TBCA: variants seen among roughly 807,000 people sequenced by gnomAD.
TBCA encodes tubulin folding cofactor A, also known as tubulin-specific chaperone A.
TBCA carries 6 observed loss-of-function variants against 15.8 expected under a neutral mutation model. The observed-to-expected ratio is 0.38, with a 90% confidence interval of 0.21 to 0.75. The LOEUF (loss-of-function observed/expected upper bound fraction) is 0.75. TBCA is among the 30% of genes least tolerant of loss of function. The pLI, the probability that TBCA is intolerant of heterozygous loss-of-function variation, is 0.46. For missense variants in TBCA, 90 were observed against 131.2 expected (o/e 0.69, Z 1.53); for synonymous variants, 32 against 42.3 (o/e 0.76, Z 0.94).
At chr5:77,759,929 T>A (rs1272582861) in intron 1 of TBCA, among the ~76,000 whole-genome samples, 1 of 152,222 alleles carries the variant, frequency 6.6e-6, no homozygotes, top group Non-Finnish European at 1.5e-5. Flanking sequence ...GCCATTGAAG[T>A]GGTGACTATT....
chr5:77,720,367 T>G (rs1381932833), intron 1 of TBCA, among the ~76,000 whole-genome samples: 1 of 152,050 alleles, frequency 6.6e-6, no homozygotes, highest in African/African-American at 2.4e-5. Context: ...ATAGCTAAGT[T>G]GTCTGCAAGC....
chr5:77,776,301 A>G lies in TBCA; in HGVS notation c.-44T>C. ...AGAAGGAGGGGCGGAGAGCCGGGGTAACCGTGGAGGGCGACGCGCAGAGGC... is the reference window on the plus strand; with the variant it reads ...AGAAGGAGGGGCGGAGAGCCGGGGTGACCGTGGAGGGCGACGCGCAGAGGC... On this transcript the variant is annotated 5_prime_UTR_variant, in exon 1 of 4. Transcript: ENST00000380377. The G allele has an allele frequency of 6.4e-7, 1 of 1,558,096 alleles. No homozygotes were observed. The highest frequency in any genetic ancestry group is 8.7e-7 in the Non-Finnish European group (1 of 1,151,756).
At chr5:77,740,530 A>G (rs562878113) in intron 1 of TBCA, among the ~76,000 whole-genome samples, 189 of 152,312 alleles carry the variant, frequency 1.2e-3, no homozygotes, top group African/African-American at 4.4e-3. Flanking sequence ...GTAGTATGGT[A>G]GTACCATTGT....
rs1580118853 is a variant in TBCA, at chr5:77,737,802, T to C, written c.54-29455A>G. ...AAGTTGGCTTTTTCAGGTCAATAAA[T>C]CCAGCACTTTAACTATCAATTTCTC... is the stretch of plus-strand genomic sequence containing the variant. On this transcript the variant is annotated intron_variant, in intron 1 of 3. Coordinates refer to ENST00000380377, the MANE Select transcript of TBCA (RefSeq NM_004607.3). 3.4e-5 allele frequency among the ~76,000 whole-genome samples: 5 copies of C among 147,348 alleles called. No individual in the cohort carries two copies. The South Asian group carries it at 1.1e-3, about 32-fold the overall frequency.
At chr5:77,756,221 T>A (rs1747474201) in intron 1 of TBCA, among the ~76,000 whole-genome samples, 1 of 152,110 alleles carries the variant, frequency 6.6e-6, no homozygotes. Context: ...CCCTCCTACG[T>A]CTCAATTTTT....
At chr5:77,755,125 T>C (rs998576955) in intron 1 of TBCA, among the ~76,000 whole-genome samples, 16 of 152,144 alleles carry the variant, frequency 1.1e-4, no homozygotes, top group Non-Finnish European at 1.5e-4. Flanking sequence ...AAAGAAATGG[T>C]TGGATTCATA....
At chr5:77,735,806 A>G (rs747545495) in intron 1 of TBCA, among the ~76,000 whole-genome samples, 1 of 152,206 alleles carries the variant, frequency 6.6e-6, no homozygotes, top group Non-Finnish European at 1.5e-5. Context: ...CCTACATGCG[A>G]AATGGTGTTG....
At chr5:77,711,334 C>CAA (rs1298569078) in intron 1 of TBCA, among the ~76,000 whole-genome samples, 2 of 151,972 alleles carry the variant, frequency 1.3e-5, no homozygotes, top group African/African-American at 4.8e-5. Context: ...TGGTCCTTTA[C>CAA]AAAAAAGGGT....
intron 1 of TBCA, among the ~76,000 whole-genome samples, chr5:77,725,557 G>A (rs958058177): frequency 6.6e-6 from 1 of 152,118 alleles, no homozygotes; most frequent in Non-Finnish European, 1.5e-5. Flanking sequence ...AGTCTTTTCC[G>A]ACTGCAGTTG....
chr5:77,753,725 C>A (rs1357436540), intron 1 of TBCA, among the ~76,000 whole-genome samples: 5 of 152,140 alleles, frequency 3.3e-5, no homozygotes, highest in African/African-American at 1.2e-4. Context: ...TTAACAAAAA[C>A]TATTATAGTT....
intron 1 of TBCA, among the ~76,000 whole-genome samples, chr5:77,721,129 T>C (rs1384716847): frequency 1.3e-5 from 2 of 152,216 alleles, no homozygotes; most frequent in Non-Finnish European, 2.9e-5. Flanking sequence ...TTAGTCAGGA[T>C]ATCTGAATTT....
intron 1 of TBCA, among the ~76,000 whole-genome samples, chr5:77,749,338 T>C (rs1376960395): frequency 6.6e-6 from 1 of 152,214 alleles, no homozygotes; most frequent in Non-Finnish European, 1.5e-5. Context: ...TAATACTGCA[T>C]CTTTACACTT....
In TBCA at chr5:77,776,284, G is replaced by C; in HGVS notation, c.-27C>G. ...GTCCCTCGAGCGCCGCGAGAAGGAG[G>C]GGCGGAGAGCCGGGGTAACCGTGGA... On this transcript the variant is annotated 5_prime_UTR_variant, in exon 1 of 4. Transcript: ENST00000380377. The C allele has an allele frequency of 6.4e-7, 1 of 1,569,058 alleles. No homozygotes were observed. The highest frequency in any genetic ancestry group is 8.6e-7 in the Non-Finnish European group (1 of 1,158,032).
At chr5:77,707,287 A>G (rs896902919) in intron 2 of TBCA, among the ~76,000 whole-genome samples, 2 of 152,172 alleles carry the variant, frequency 1.3e-5, no homozygotes, top group Non-Finnish European at 2.9e-5. Flanking sequence ...TATTTTCTCA[A>G]GGAATTATGA....
intron 1 of TBCA, among the ~76,000 whole-genome samples, chr5:77,709,757 C>A (rs964872667): frequency 1.4e-4 from 21 of 152,072 alleles, no homozygotes; most frequent in African/African-American, 5.1e-4. Context: ...TTATGCAAGA[C>A]AGGCAAAATG....
At chr5:77,769,960 G>A (rs1367393049) in intron 1 of TBCA, among the ~76,000 whole-genome samples, 1 of 152,074 alleles carries the variant, frequency 6.6e-6, no homozygotes, top group Non-Finnish European at 1.5e-5. Flanking sequence ...AATCCAAAAT[G>A]GTTATAAAAA....
chr5:77,739,643 G>A (rs1014208284), intron 1 of TBCA, among the ~76,000 whole-genome samples: 2 of 152,248 alleles, frequency 1.3e-5, no homozygotes, highest in East Asian at 1.9e-4. Context: ...AAAACTTGAC[G>A]TTTCCTGCGC....
At chr5:77,692,818 G>A in intron 3 of TBCA, 3 of 1,063,724 alleles carry the variant, frequency 2.8e-6, no homozygotes, top group South Asian at 6.3e-5. Context: ...TAGATTACCA[G>A]GTTTTTTCCC....
intron 2 of TBCA, among the ~76,000 whole-genome samples, chr5:77,702,845 T>C (rs1294014537): frequency 1.3e-5 from 2 of 152,192 alleles, no homozygotes; most frequent in South Asian, 2.1e-4. Flanking sequence ...TGCATATAGG[T>C]ACCAAGAGAC....
Sources: gnomAD v4.1 joint callset for allele counts (sites outside exome capture counted in the v4.1 genomes callset) on GRCh38, gnomAD v4.1.1 for gene constraint, MANE v1.5 for transcripts, NCBI Gene and HGNC (gene_info 2026-07-23, HGNC 2026-07-21) for gene names.